The following ZSCAN18 variants were observed in gnomAD, a reference collection of about 807,000 sequenced individuals.
The protein encoded by ZSCAN18 is zinc finger and SCAN domain containing 18, also known as zinc finger and SCAN domain-containing protein 18.
In ZSCAN18, 16 loss-of-function variants were observed where a neutral mutation model predicts 31.1. The ratio of observed to expected loss-of-function variants is 0.51; its 90% CI spans 0.35 to 0.78. ZSCAN18 has a LOEUF of 0.78. ZSCAN18 is among the 30% of genes least tolerant of loss of function. The pLI, the probability that ZSCAN18 is intolerant of heterozygous loss-of-function variation, is 0.01. For synonymous variants in ZSCAN18, 375 were observed against 320.7 expected (o/e 1.17, Z -1.81); for missense variants, 731 against 697.4 (o/e 1.05, Z -0.54).
intron 1 of ZSCAN18, chr19:58,108,737 C>A: frequency 1.0e-6 from 1 of 985,574 alleles, no homozygotes; most frequent in Non-Finnish European, 1.2e-6. Context: ...TCAAACACCT[C>A]CTCGTGTCCT....
intron 1 of ZSCAN18, among the ~76,000 whole-genome samples, chr19:58,113,411 G>GTGTCTGGGA (rs2074704108): frequency 6.6e-6 from 1 of 152,128 alleles, no homozygotes; most frequent in African/African-American, 2.4e-5. Flanking sequence ...ATACGCATTT[G>GTGTCTGGGA]TGTCTGGGAT....
chr19:58,100,873 T>TAA (rs1004989882), upstream of ZSCAN18, among the ~76,000 whole-genome samples: 5 of 142,344 alleles, frequency 3.5e-5, no homozygotes, highest in African/African-American at 1.3e-4. Context: ...AAACTCCATC[T>TAA]AAAAAAAAAA....
rs1359588336 is a variant in ZSCAN18 at position 58,090,572 on chromosome 19, A to G, written c.-119-186T>C. 1 of 531,654 alleles carries G rather than the reference A, an allele frequency of 1.9e-6. No individual in the cohort carries two copies. The highest frequency in any genetic ancestry group is 3.2e-6 in the Non-Finnish European group (1 of 314,518). The allele number at this position is 531,654 out of a possible 1,614,324, so 32.9% of individuals were successfully genotyped here. ...AAAAGTAGCATGTAAATGGAGGGTAACTCATTCTGTGCATTACCAGAATTT... is the reference window on the plus strand; with the variant it reads ...AAAAGTAGCATGTAAATGGAGGGTAGCTCATTCTGTGCATTACCAGAATTT... On this transcript the variant is annotated intron_variant, in intron 1 of 6. Coordinates refer to ENST00000601144, the MANE Select transcript of ZSCAN18 (RefSeq NM_001145543.2). This position sits in a 1 kb window ranked among gnomAD's most constrained non-coding sequence, Gnocchi z 4.7.
At chr19:58,086,753 A>G in intron 5 of ZSCAN18, 153 bp downstream of exon 5, 1 of 599,724 alleles carries the variant, frequency 1.7e-6, no homozygotes, top group Non-Finnish European at 2.9e-6. Context: ...TGGGGGCTTC[A>G]GCGAATAAAT....
rs1251482606 is a variant in ZSCAN18, at chr19:58,085,458, CG to C, written c.839-80del. The C allele has an allele frequency of 1.3e-5, 17 of 1,289,576 alleles. No homozygotes were observed. In the East Asian group the frequency reaches 3.4e-4, roughly 25 times the overall value. The allele number at this position is 1,289,576 out of a possible 1,614,324, so 79.9% of individuals were successfully genotyped here. The stretch of plus-strand genomic sequence containing the variant: ...GAGGACCCAGCCGAGCCTCAGCTGC[CG>C]GAACAGCGCACAGGGCTCCGGGCTC... On this transcript the variant is annotated intron_variant, in intron 6 of 6. Transcript: ENST00000601144.
chr19:58,102,232 GC>G (rs2074600059), upstream of ZSCAN18, among the ~76,000 whole-genome samples: 3 of 152,246 alleles, frequency 2.0e-5, no homozygotes, highest in East Asian at 3.9e-4. Flanking sequence ...GCCGAGGTGG[GC>G]TGCTCACGAG....
At chr19:58,115,166 T>G (rs1470128215) in intron 1 of ZSCAN18, among the ~76,000 whole-genome samples, 2 of 152,200 alleles carry the variant, frequency 1.3e-5, no homozygotes, top group Non-Finnish European at 2.9e-5. Context: ...AACCCTGGAA[T>G]CAACTGGCCC....
chr19:58,109,086 T>C (rs1040762649), intron 1 of ZSCAN18: 9 of 1,227,416 alleles, frequency 7.3e-6, no homozygotes, highest in Middle Eastern at 3.1e-4. Context: ...CAGCCCCTCA[T>C]AGATGCTCTG....
chr19:58,098,081 C>T, intron 1 of ZSCAN18, 93 bp downstream of exon 1: 1 of 985,558 alleles, frequency 1.0e-6, no homozygotes, highest in Non-Finnish European at 1.2e-6. Flanking sequence ...ACCCTGGCCC[C>T]TTTCCCTAAC....
At chr19:58,099,465 G>C (rs1280346959), upstream of ZSCAN18, among the ~76,000 whole-genome samples, 2 of 152,058 alleles carry the variant, frequency 1.3e-5, no homozygotes, top group Non-Finnish European at 2.9e-5. Flanking sequence ...GTATTCTATG[G>C]TATATAGCAG....
chr19:58,102,568 T>C (rs1255728415), upstream of ZSCAN18, among the ~76,000 whole-genome samples: 1 of 152,192 alleles, frequency 6.6e-6, no homozygotes, highest in Non-Finnish European at 1.5e-5. Flanking sequence ...ATAACAATTA[T>C]GGCTGACACA....
Position 58,084,808 on chromosome 19 carries a change from C to G in ZSCAN18, c.1410G>C (p.Ala470=). Residue 470 remains alanine, a synonymous_variant, in exon 7 of 7, where the codon GCG becomes GCC. Coordinates refer to ENST00000601144, the MANE Select transcript of ZSCAN18 (RefSeq NM_001145543.2). The surrounding 1 kb of genome is among the most constrained non-coding windows in gnomAD (Gnocchi z 4.5). ...QKTHEKEKSY[A]LGGARGPQPS... is the part of the protein sequence containing the mutation. ...GTTGGGGGCCCCGGGCGCCCCCCAGCGCGTAGCTTTTCTCCTTCTCGTGGG... is the reference window on the plus strand; with the variant it reads ...GTTGGGGGCCCCGGGCGCCCCCCAGGGCGTAGCTTTTCTCCTTCTCGTGGG... 1 of 1,585,696 alleles carries G rather than the reference C, an allele frequency of 6.3e-7. No individual in the cohort carries two copies. Among genetic ancestry groups the G allele is most frequent in the Middle Eastern group, 1.7e-4 (1 of 6,034 alleles).
At chr19:58,113,850 C>A (rs989698190) in intron 1 of ZSCAN18, among the ~76,000 whole-genome samples, 1 of 152,032 alleles carries the variant, frequency 6.6e-6, no homozygotes, top group Non-Finnish European at 1.5e-5. Flanking sequence ...TGGTGGCATG[C>A]GCCTGAAATC....
At chr19:58,098,331 G>A, upstream of ZSCAN18, 12 of 985,476 alleles carry the variant, frequency 1.2e-5, no homozygotes, top group Non-Finnish European at 1.4e-5. Flanking sequence ...AGGGAGCCGT[G>A]ACAGGTGACA....
Position 58,084,659 on chromosome 19 carries a change from C to T in ZSCAN18, c.*26G>A. The stretch of plus-strand genomic sequence containing the variant: ...GGGATTCACGGCCGGCAAAGCGGCC[C>T]CTCCGGAACGGGACAGCACAGCGGC... On this transcript the variant is annotated 3_prime_UTR_variant, in exon 7 of 7. Transcript: ENST00000601144. The surrounding 1 kb of genome is among the most constrained non-coding windows in gnomAD (Gnocchi z 4.5). 1 of 1,448,722 alleles carries T rather than the reference C, an allele frequency of 6.9e-7. No individual in the cohort carries two copies. The highest frequency in any genetic ancestry group is 9.0e-7 in the Non-Finnish European group (1 of 1,107,654). 89.7% of individuals were successfully genotyped at this position (1,448,722 alleles called of 1,614,324 possible).
At chr19:58,094,314 G>C (rs1363199437) in intron 1 of ZSCAN18, among the ~76,000 whole-genome samples, 1 of 151,782 alleles carries the variant, frequency 6.6e-6, no homozygotes, top group African/African-American at 2.4e-5. Context: ...AGGAGGCCGA[G>C]GCAGGAGAAT....
chr19:58,098,453 A>T (rs1178967808), upstream of ZSCAN18: 1 of 845,356 alleles, frequency 1.2e-6, no homozygotes, highest in Non-Finnish European at 1.4e-6. Context: ...TAAATAATAG[A>T]CCCCTGACAG....
intron 1 of ZSCAN18, among the ~76,000 whole-genome samples, chr19:58,097,771 G>A (rs2074548333): frequency 1.1e-5 from 1 of 89,518 alleles, no homozygotes; most frequent in African/African-American, 4.6e-5. Flanking sequence ...CCCCCCTCAG[G>A]AGCCTTCCCC....
intron 1 of ZSCAN18, among the ~76,000 whole-genome samples, chr19:58,103,823 C>A (rs901507879): frequency 6.6e-6 from 1 of 152,134 alleles, no homozygotes; most frequent in Non-Finnish European, 1.5e-5. Flanking sequence ...CAAAACTTAG[C>A]CCTCTTGTGC....
Sources: gnomAD v4.1 joint callset for allele counts (sites outside exome capture counted in the v4.1 genomes callset) on GRCh38, gnomAD v4.1.1 for gene constraint, Gnocchi (gnomAD v3.1) non-coding constraint, MANE v1.5 for transcripts, NCBI Gene and HGNC (gene_info 2026-07-23, HGNC 2026-07-21) for gene names.